The following STEAP1B variants were observed in gnomAD, a reference collection of about 807,000 sequenced individuals.
STEAP1B encodes STEAP family member 1B.
In STEAP1B, 13 loss-of-function variants were observed where a neutral mutation model predicts 27.9. The observed-to-expected ratio is 0.47, with a 90% CI of 0.30 to 0.74. The LOEUF is 0.74. STEAP1B is among the 30% of genes least tolerant of loss of function. The pLI, the probability that STEAP1B is intolerant of heterozygous loss-of-function variation, is 0.06. For missense variants in STEAP1B, 250 were observed against 298.7 expected, an observed-to-expected ratio of 0.84 and a Z score of 1.20; for synonymous variants, 86 against 107.1, an observed-to-expected ratio of 0.80 and a Z score of 1.22.
intron 4 of STEAP1B, among the ~76,000 whole-genome samples, chr7:22,424,817 T>G (rs141662158): frequency 6.6e-6 from 1 of 151,006 alleles, no homozygotes; most frequent in African/African-American, 2.4e-5. Context: ...CTGTGAAGAG[T>G]TGATAATAAT....
chr7:22,458,589 C>T (rs1785626241), intron 4 of STEAP1B, among the ~76,000 whole-genome samples: 1 of 152,208 alleles, frequency 6.6e-6, no homozygotes, highest in Admixed American at 6.5e-5. Context: ...AGTTGTTAAA[C>T]ACTAAACAGC....
At chr7:22,499,395 T>G (rs1786497835) in intron 1 of STEAP1B, among the ~76,000 whole-genome samples, 1 of 151,182 alleles carries the variant, frequency 6.6e-6, no homozygotes, top group Non-Finnish European at 1.5e-5. Context: ...TTTTTTTCAC[T>G]GTGCTGTTTT....
intron 3 of STEAP1B, 36 bp downstream of exon 3, chr7:22,493,288 T>C (rs764231593): frequency 1.3e-6 from 2 of 1,561,890 alleles, no homozygotes; most frequent in African/African-American, 2.7e-5. Flanking sequence ...TGACTTAGAC[T>C]TTTTATTAGT....
At chr7:22,460,005 T>A (rs534708822) in intron 4 of STEAP1B, among the ~76,000 whole-genome samples, 330 of 152,214 alleles carry the variant, frequency 2.2e-3, no homozygotes, top group Non-Finnish European at 3.6e-3. Flanking sequence ...GAGGAATTTA[T>A]GAGACTGTAA....
At chr7:22,493,240 G>T (rs1401482241) in intron 3 of STEAP1B, 84 bp downstream of exon 3, 3 of 1,387,046 alleles carry the variant, frequency 2.2e-6, no homozygotes, top group African/African-American at 2.9e-5. Flanking sequence ...CAGGGTTGGG[G>T]TATTGATATT....
intron 4 of STEAP1B, among the ~76,000 whole-genome samples, chr7:22,430,899 G>C (rs1413569050): frequency 6.6e-6 from 1 of 152,184 alleles, no homozygotes; most frequent in Non-Finnish European, 1.5e-5. Flanking sequence ...TTGGCTCTAT[G>C]ATTCTCAGCG....
chr7:22,498,104 G>A (rs1424204894), intron 1 of STEAP1B, among the ~76,000 whole-genome samples: 2 of 152,308 alleles, frequency 1.3e-5, no homozygotes, highest in African/African-American at 4.8e-5. Flanking sequence ...CTGACAGGAG[G>A]TGGAGCTCAG....
chr7:22,442,710 G>A (rs1174044639), intron 4 of STEAP1B, among the ~76,000 whole-genome samples: 4 of 152,202 alleles, frequency 2.6e-5, no homozygotes, highest in Non-Finnish European at 4.4e-5. Context: ...CAGTGACTTT[G>A]GGCTTGCTGA....
At chr7:22,426,059 G>C (rs1785102799) in intron 4 of STEAP1B, among the ~76,000 whole-genome samples, 1 of 152,210 alleles carries the variant, frequency 6.6e-6, no homozygotes, top group African/African-American at 2.4e-5. Context: ...TCTAAAGGAA[G>C]TGGGGCAGCC....
chr7:22,467,677 T>C (rs1340153366), intron 4 of STEAP1B, among the ~76,000 whole-genome samples: 1 of 152,182 alleles, frequency 6.6e-6, no homozygotes, highest in Non-Finnish European at 1.5e-5. Context: ...ACTCTTCTCT[T>C]GTCTGCTGCC....
chr7:22,498,949 C>T (rs182160754), intron 1 of STEAP1B, among the ~76,000 whole-genome samples: 82 of 152,340 alleles, frequency 5.4e-4, no homozygotes, highest in African/African-American at 1.8e-3. Context: ...GTGTGGCCCA[C>T]ACTCAACTCT....
chr7:22,499,559 T>G (rs549127194), intron 1 of STEAP1B, among the ~76,000 whole-genome samples: 2 of 152,306 alleles, frequency 1.3e-5, no homozygotes, highest in African/African-American at 4.8e-5. Flanking sequence ...ACAAACTCCT[T>G]CCAGTGGATT....
intron 4 of STEAP1B, among the ~76,000 whole-genome samples, chr7:22,487,468 G>A (rs1554287795): frequency 6.8e-6 from 1 of 146,808 alleles, no homozygotes; most frequent in Non-Finnish European, 1.5e-5. Context: ...GTATTTGTTT[G>A]AAAAAAAAAT....
chr7:22,494,733 G>A lies in STEAP1B; in HGVS notation c.84+39C>T, dbSNP rs1460294573. 12 of 1,331,422 alleles carry A rather than the reference G, an allele frequency of 9.0e-6. No individual in the cohort carries two copies. The South Asian group carries it at 1.6e-4, about 18-fold the overall frequency. The allele number at this position is 1,331,422 out of a possible 1,614,324, so 82.5% of individuals were successfully genotyped here. On this transcript the variant is annotated intron_variant, in intron 2 of 4. Transcript: ENST00000678116. The stretch of plus-strand genomic sequence containing the variant: ...ATGTCATCGAATTATGTTTAAAGAT[G>A]TAAATTATTATTTATTATTGTCATT...
Position 22,476,415 on chromosome 7 carries a change from T to C in STEAP1B, c.762+16150A>G, listed in dbSNP as rs375940912. On this transcript the variant is annotated intron_variant, in intron 4 of 4. Coordinates refer to ENST00000678116, the MANE Select transcript of STEAP1B (RefSeq NM_001382447.1). ...ACCATGTAGCCCAGGGGTGGTGGGC[T>C]GGACAGGAGAACTACAATGGCTTGC... 4.8e-4 allele frequency among the ~76,000 whole-genome samples: 73 copies of C among 152,268 alleles called. No homozygotes were observed. In the East Asian group the frequency reaches 8.1e-3, roughly 17 times the overall value.
intron 4 of STEAP1B, among the ~76,000 whole-genome samples, chr7:22,456,103 C>T (rs1364799977): frequency 1.3e-5 from 2 of 151,758 alleles, no homozygotes; most frequent in African/African-American, 2.4e-5. Flanking sequence ...GCTGAGATTG[C>T]GCCACTGCCC....
rs1193371792 is a variant in STEAP1B at position 22,419,591 on chromosome 7, A to T, written c.*213T>A. The T allele has an allele frequency of 2.3e-6, 1 of 429,012 alleles. No individual in the cohort carries two copies. The highest frequency in any genetic ancestry group is 4.2e-6 in the Non-Finnish European group (1 of 240,080). 26.6% of individuals were successfully genotyped at this position (429,012 alleles called of 1,614,324 possible). ...CACAATCTCAGTGGATTAGCACAAC[A>T]CATATGGACTTTTTGTTTGCTCTCT... On this transcript the variant is annotated 3_prime_UTR_variant, in exon 5 of 5. Transcript: ENST00000678116.
intron 4 of STEAP1B, among the ~76,000 whole-genome samples, chr7:22,444,385 C>T (rs1345815223): frequency 6.6e-6 from 1 of 152,046 alleles, no homozygotes; most frequent in African/African-American, 2.4e-5. Context: ...TCAATCACCT[C>T]TAACTATGCG....
intron 4 of STEAP1B, among the ~76,000 whole-genome samples, chr7:22,472,781 C>G (rs1034791402): frequency 6.6e-6 from 1 of 152,156 alleles, no homozygotes; most frequent in Non-Finnish European, 1.5e-5. Flanking sequence ...CATCCTCCCC[C>G]TCCTTCCCTG....
Sources: allele counts gnomAD v4.1 joint callset (sites outside exome capture counted in the v4.1 genomes callset), GRCh38; gene constraint gnomAD v4.1.1; transcripts MANE v1.5; gene names NCBI Gene and HGNC (gene_info 2026-07-23, HGNC 2026-07-21).